TOX2: variants seen among roughly 807,000 people sequenced by gnomAD.
TOX2 encodes granulosa cell HMG box 1.
A neutral mutation model predicts 47.4 loss-of-function variants in TOX2; 15 were observed. The ratio of observed to expected loss-of-function variants is 0.32; its 90% confidence interval spans 0.21 to 0.49. The LOEUF is 0.49. TOX2 is among the 20% of genes least tolerant of loss of function. TOX2 has a pLI of 0.99. For synonymous variants in TOX2, 290 were observed against 296.6 expected (o/e 0.98, Z 0.23); for missense variants, 622 against 673.1 (o/e 0.92, Z 0.84).
intron 5 of TOX2, among the ~76,000 whole-genome samples, chr20:44,063,124 A>G (rs2071749246): frequency 6.6e-6 from 1 of 152,228 alleles, no homozygotes; most frequent in African/African-American, 2.4e-5. Flanking sequence ...AATGCAACAA[A>G]AACAAAGGTA....
At chr20:43,919,037 C>A (rs1568996005) in intron 1 of TOX2, among the ~76,000 whole-genome samples, 1 of 152,196 alleles carries the variant, frequency 6.6e-6, no homozygotes, top group African/African-American at 2.4e-5. Flanking sequence ...CGTCCCTGGA[C>A]TGAAGGGATG....
intron 8 of TOX2, 80 bp from the exon 9 acceptor site, chr20:44,068,570 C>T (rs1158410068): frequency 7.5e-6 from 11 of 1,476,220 alleles, no homozygotes; most frequent in South Asian, 1.3e-5. Context: ...GGGGGTGGGG[C>T]GTACAGTGCA....
chr20:44,051,669 C>T (rs1402971951), intron 4 of TOX2, 124 bp downstream of exon 4: 19 of 1,390,712 alleles, frequency 1.4e-5, no homozygotes, highest in Middle Eastern at 2.7e-4. Context: ...CCAAGGTCCC[C>T]GTAGGTGCCA....
intron 5 of TOX2, among the ~76,000 whole-genome samples, chr20:44,063,066 A>G (rs1330208760): frequency 6.6e-6 from 1 of 152,132 alleles, no homozygotes; most frequent in Non-Finnish European, 1.5e-5. Flanking sequence ...AAACCCTTCC[A>G]CAGACATTGG....
intron 3 of TOX2, among the ~76,000 whole-genome samples, chr20:44,046,947 G>A (rs1254783945): frequency 6.6e-6 from 1 of 152,056 alleles, no homozygotes; most frequent in Non-Finnish European, 1.5e-5. Flanking sequence ...CATATCCTAA[G>A]CTATAACAAA....
chr20:44,032,083 A>T (rs111708058), intron 3 of TOX2, among the ~76,000 whole-genome samples: 2,611 of 152,222 alleles, frequency 0.017, 81 homozygotes, highest in African/African-American at 0.06. Context: ...GCCCGGTGTG[A>T]GGGGCAGGGG....
chr20:43,999,568 A>G (rs999610175), intron 2 of TOX2, among the ~76,000 whole-genome samples: 62 of 152,378 alleles, frequency 4.1e-4, no homozygotes, highest in African/African-American at 1.4e-3. Flanking sequence ...CAACATTGTC[A>G]AAAGAAATTA....
chr20:44,050,136 TCA>T (rs942535236), intron 3 of TOX2, among the ~76,000 whole-genome samples: 3 of 152,260 alleles, frequency 2.0e-5, no homozygotes, highest in Non-Finnish European at 4.4e-5. Context: ...GTCAATTATT[TCA>T]CAGTGTATAC....
At chr20:44,053,439 T>TATACACACAC (rs373458500) in intron 4 of TOX2, among the ~76,000 whole-genome samples, 2,332 of 143,040 alleles carry the variant, frequency 0.016, 17 homozygotes, top group Middle Eastern at 0.025. Flanking sequence ...GGCAGATATA[T>TATACACACAC]ACACACACAC....
intron 1 of TOX2, among the ~76,000 whole-genome samples, chr20:43,970,574 G>T (rs1348229088): frequency 6.6e-6 from 1 of 152,162 alleles, no homozygotes; most frequent in Non-Finnish European, 1.5e-5. Flanking sequence ...TAAACTTAAT[G>T]TTCCTCCATC....
At chr20:44,039,766 A>AG (rs141070163) in intron 3 of TOX2, among the ~76,000 whole-genome samples, 8,428 of 152,224 alleles carry the variant, frequency 0.055, 369 homozygotes, top group Non-Finnish European at 0.085. Flanking sequence ...CGTCCCACTG[A>AG]GGGGAGAGGA....
At chr20:43,918,497 A>C (rs2069081807) in intron 1 of TOX2, among the ~76,000 whole-genome samples, 1 of 152,202 alleles carries the variant, frequency 6.6e-6, no homozygotes, top group Non-Finnish European at 1.5e-5. Flanking sequence ...CTCCAGAGGC[A>C]ACTACTTACC....
rs575418660 is a variant in TOX2, at chr20:43,928,981, G to GAAAAAAAAA, written c.99+14001_99+14009dup. Among the ~76,000 whole-genome samples the GAAAAAAAAA allele has an allele frequency of 4.7e-3, 405 of 86,060 alleles. 7 individuals carry two copies. The highest frequency in any genetic ancestry group is 0.016 in the African/African-American group (328 of 20,140). The allele number at this position is 86,060 out of a possible 152,430, so 56.5% of individuals were successfully genotyped here. ...GAAACCCTGTCTCTACTAAAAATAT[G>GAAAAAAAAA]AAAAAAAAAAAAAAAAAACAACAAC... On this transcript the variant is annotated intron_variant, in intron 1 of 8. Coordinates refer to ENST00000341197, the MANE Select transcript of TOX2 (RefSeq NM_001098797.2).
At chr20:43,982,507 C>T (rs1038686229) in intron 2 of TOX2, among the ~76,000 whole-genome samples, 3 of 152,084 alleles carry the variant, frequency 2.0e-5, no homozygotes, top group African/African-American at 7.2e-5. Context: ...TGGGGAGCAG[C>T]TGGATGGCAA....
chr20:44,042,166 G>A lies in TOX2; in HGVS notation c.412-9140G>A, dbSNP rs944284092. 1.2e-4 allele frequency among the ~76,000 whole-genome samples: 18 copies of A among 152,272 alleles called. 1 individual carries two copies. The East Asian group carries it at 2.3e-3, about 20-fold the overall frequency. ...GAAGCAAAGGCACGTCTTACGTGGC[G>A]GCAGACAAGAGGGCTTGTGCAGGGG... On this transcript the variant is annotated intron_variant, in intron 3 of 8. Coordinates refer to ENST00000341197, the MANE Select transcript of TOX2 (RefSeq NM_001098797.2).
At chr20:43,959,574 CA>C (rs2082542940) in intron 1 of TOX2, among the ~76,000 whole-genome samples, 1 of 152,202 alleles carries the variant, frequency 6.6e-6, no homozygotes, top group Non-Finnish European at 1.5e-5. Context: ...CTGTCGTTGA[CA>C]TATTTCCCTT....
At chr20:43,931,275 A>G (rs2069249474) in intron 1 of TOX2, among the ~76,000 whole-genome samples, 1 of 152,050 alleles carries the variant, frequency 6.6e-6, no homozygotes, top group South Asian at 2.1e-4. Flanking sequence ...AGTAGCTGCG[A>G]CTTCAGGCAC....
chr20:44,012,845 G>A (rs535303139), intron 3 of TOX2, among the ~76,000 whole-genome samples: 2 of 152,364 alleles, frequency 1.3e-5, no homozygotes, highest in South Asian at 4.1e-4. Context: ...AGTACTTAGT[G>A]CTGCGTTTCA....
At chr20:44,028,786 T>C (rs2071104654) in intron 3 of TOX2, among the ~76,000 whole-genome samples, 1 of 152,154 alleles carries the variant, frequency 6.6e-6, no homozygotes, top group Non-Finnish European at 1.5e-5. Context: ...AAACTGAAGA[T>C]CAAATTCAGG....
Sources: allele counts gnomAD v4.1 joint callset (sites outside exome capture counted in the v4.1 genomes callset), GRCh38; gene constraint gnomAD v4.1.1; transcripts MANE v1.5; gene names NCBI Gene and HGNC (gene_info 2026-07-23, HGNC 2026-07-21).